CCDC158: variants seen among roughly 807,000 people sequenced by gnomAD.
CCDC158 encodes the protein coiled-coil domain containing 158.
In CCDC158, 116 loss-of-function variants were observed where a neutral mutation model predicts 138.6. That is an observed-to-expected ratio of 0.84 (90% CI 0.72 to 0.98). CCDC158 has a LOEUF of 0.98. Among genes scored for constraint, CCDC158 ranks in the 50% least tolerant of loss-of-function variants. The probability of loss-of-function intolerance (pLI) is 0.00; values close to 1 mark genes in which losing one functional copy is unlikely to be tolerated. For missense variants in CCDC158, 1,265 were observed against 1,306.1 expected, an observed-to-expected ratio of 0.97 and a Z score of 0.48; for synonymous variants, 436 against 442.4, an observed-to-expected ratio of 0.99 and a Z score of 0.18.
chr4:76,417,124 G>C (rs1729762896), intron 1 of CCDC158, among the ~76,000 whole-genome samples: 1 of 152,234 alleles, frequency 6.6e-6, no homozygotes, highest in African/African-American at 2.4e-5. Context: ...GCGTGACCTT[G>C]ATGTGAGACA....
chr4:76,320,348 T>C (rs1719883767), intron 24 of CCDC158, among the ~76,000 whole-genome samples: 2 of 152,196 alleles, frequency 1.3e-5, no homozygotes, highest in South Asian at 4.1e-4. Flanking sequence ...ATCAGTATTG[T>C]GGAAATGATC....
chr4:76,318,927 A>G (rs1044321745), intron 24 of CCDC158, among the ~76,000 whole-genome samples: 6 of 152,210 alleles, frequency 3.9e-5, no homozygotes, highest in Admixed American at 3.9e-4. Flanking sequence ...CAAGAGTTCG[A>G]GACCAGCCTG....
Position 76,313,446 on chromosome 4 carries a change from G to A in CCDC158, c.3278-200C>T, listed in dbSNP as rs79571067. ...CTAAGGGTAAATCTTTAGTGTTTCAGGTGTTTTATTTACTTATTTATTTTG... is the reference window on the plus strand; with the variant it reads ...CTAAGGGTAAATCTTTAGTGTTTCAAGTGTTTTATTTACTTATTTATTTTG... On this transcript the variant is annotated intron_variant, in intron 24 of 24. Transcript: ENST00000682701. Among the ~76,000 whole-genome samples the A allele has an allele frequency of 9.6e-3, 1,463 of 152,128 alleles. 23 individuals are homozygous for A. Among genetic ancestry groups the A allele is most frequent in the African/African-American group, 0.034 (1,399 of 41,474 alleles).
chr4:76,362,015 A>G lies in CCDC158; in HGVS notation c.2020+111T>C. On this transcript the variant is annotated intron_variant, in intron 13 of 24. Transcript: ENST00000682701. ...CTCCATGGGGGCAGCATAACTATTC[A>G]TGTTTGTCATGTGAGTGAGACACCC... 4.0e-6 allele frequency: 3 copies of G among 754,094 alleles called. 1 individual carries two copies. The South Asian group carries it at 5.8e-5, about 15-fold the overall frequency. The allele number at this position is 754,094 out of a possible 1,614,324, so 46.7% of individuals were successfully genotyped here.
chr4:76,347,000 A>G (rs7671504), intron 18 of CCDC158, among the ~76,000 whole-genome samples: 4,019 of 152,250 alleles, frequency 0.026, 176 homozygotes, highest in African/African-American at 0.092. Context: ...GCCAGTTAGA[A>G]TGGCGATCTT....
chr4:76,417,633 C>T lies in CCDC158; in HGVS notation c.-117+3332G>A, dbSNP rs147712620. ...CTCCCACCATGATTCTGAGGCCTTC[C>T]CAGCCATGTGGAACTGTAAGTCCAA... is the stretch of plus-strand genomic sequence containing the variant. On this transcript the variant is annotated intron_variant, in intron 1 of 24. Coordinates refer to ENST00000682701, the MANE Select transcript of CCDC158 (RefSeq NM_001394954.1). Among the ~76,000 whole-genome samples, 679 of 152,232 alleles carry T rather than the reference C, an allele frequency of 4.5e-3. 7 individuals carry two copies. The highest frequency in any genetic ancestry group is 0.015 in the African/African-American group (622 of 41,546).
At chr4:76,317,224 G>C (rs886860144) in intron 24 of CCDC158, among the ~76,000 whole-genome samples, 6 of 152,112 alleles carry the variant, frequency 3.9e-5, no homozygotes, top group Non-Finnish European at 7.3e-5. Flanking sequence ...AGTATCTGCT[G>C]TCTTCAAGAG....
chr4:76,349,010 T>C (rs1722820660), intron 18 of CCDC158, among the ~76,000 whole-genome samples: 1 of 152,120 alleles, frequency 6.6e-6, no homozygotes, highest in Non-Finnish European at 1.5e-5. Context: ...TCTAGGCACA[T>C]GATAGGCAAA....
intron 2 of CCDC158, among the ~76,000 whole-genome samples, chr4:76,411,293 G>C (rs560169713): frequency 1.3e-5 from 2 of 151,932 alleles, no homozygotes. Flanking sequence ...TCCCAGCTAC[G>C]TGGAAGGGTG....
chr4:76,316,603 T>C (rs1389505280), intron 24 of CCDC158, among the ~76,000 whole-genome samples: 3 of 151,872 alleles, frequency 2.0e-5, no homozygotes, highest in African/African-American at 7.3e-5. Context: ...TACAAGAAGC[T>C]CAAAGAATAC....
chr4:76,383,511 A>C, intron 7 of CCDC158, 151 bp downstream of exon 7: 2 of 600,930 alleles, frequency 3.3e-6, no homozygotes, highest in Non-Finnish European at 6.0e-6. Flanking sequence ...AACCAGGGTC[A>C]GGAAAACAAA....
chr4:76,413,146 C>G (rs889676415), intron 1 of CCDC158, among the ~76,000 whole-genome samples: 1 of 151,546 alleles, frequency 6.6e-6, no homozygotes, highest in Non-Finnish European at 1.5e-5. Context: ...AATGATAAAC[C>G]ACCAAGATTT....
At chr4:76,320,341 A>G (rs955004328) in intron 24 of CCDC158, among the ~76,000 whole-genome samples, 1 of 152,244 alleles carries the variant, frequency 6.6e-6, no homozygotes, top group African/African-American at 2.4e-5. Flanking sequence ...GGGTAGAATC[A>G]GTATTGTGGA....
chr4:76,418,545 G>A (rs1352404308), intron 1 of CCDC158, among the ~76,000 whole-genome samples: 1 of 152,156 alleles, frequency 6.6e-6, no homozygotes, highest in Non-Finnish European at 1.5e-5. Context: ...GAGGTTTAAT[G>A]GACTCACAGT....
intron 19 of CCDC158, among the ~76,000 whole-genome samples, chr4:76,333,724 G>A (rs1353574066): frequency 6.6e-6 from 1 of 152,152 alleles, no homozygotes; most frequent in Non-Finnish European, 1.5e-5. Flanking sequence ...CAATCAATAA[G>A]ATTATGGATA....
intron 18 of CCDC158, among the ~76,000 whole-genome samples, chr4:76,341,264 C>G (rs1002548434): frequency 6.6e-6 from 1 of 152,134 alleles, no homozygotes; most frequent in African/African-American, 2.4e-5. Flanking sequence ...ACTCCTCAAC[C>G]AGTTCTGTCT....
intron 18 of CCDC158, among the ~76,000 whole-genome samples, chr4:76,337,919 C>T (rs1041447248): frequency 4.6e-5 from 7 of 152,162 alleles, no homozygotes; most frequent in Non-Finnish European, 7.3e-5. Context: ...AACCCTGGAC[C>T]GGTACCGGCC....
At chr4:76,335,103 A>G (rs894057658) in intron 18 of CCDC158, among the ~76,000 whole-genome samples, 14 of 152,200 alleles carry the variant, frequency 9.2e-5, no homozygotes, top group African/African-American at 3.4e-4. Flanking sequence ...GGAAATTGTC[A>G]TGATGAGTCA....
chr4:76,388,092 G>A (rs1240825758), intron 4 of CCDC158, among the ~76,000 whole-genome samples: 6 of 152,140 alleles, frequency 3.9e-5, no homozygotes, highest in Non-Finnish European at 8.8e-5. Flanking sequence ...CTGAGAGTAT[G>A]CTTTGGGCCT....
Sources: gnomAD v4.1 joint callset for allele counts (sites outside exome capture counted in the v4.1 genomes callset) on GRCh38, gnomAD v4.1.1 for gene constraint, MANE v1.5 for transcripts, NCBI Gene and HGNC (gene_info 2026-07-23, HGNC 2026-07-21) for gene names.